Variants in CABYR observed in about 807,000 individuals in gnomAD.
The protein encoded by CABYR is calcium binding tyrosine phosphorylation regulated, also known as calcium-binding tyrosine phosphorylation-regulated protein.
A neutral mutation model predicts 36.1 loss-of-function variants in CABYR; 31 were observed. The observed-to-expected ratio is 0.86, with a 90% confidence interval of 0.64 to 1.16. CABYR has a LOEUF of 1.16. Ranked by LOEUF, CABYR falls within the 50% of genes most tolerant of loss-of-function variation. The pLI, the probability that CABYR is intolerant of heterozygous loss-of-function variation, is 0.00. For missense variants in CABYR, 429 were observed against 455.8 expected (o/e 0.94, Z 0.53); for synonymous variants, 146 against 160.7 (o/e 0.91, Z 0.69).
intron 3 of CABYR, among the ~76,000 whole-genome samples, chr18:24,149,083 C>T (rs567231202): frequency 6.6e-6 from 1 of 152,194 alleles, no homozygotes; most frequent in South Asian, 2.1e-4. Context: ...TAAAGGTTCT[C>T]CATGTCCCCA....
At chr18:24,156,614 T>A in intron 4 of CABYR, 1 of 1,614,194 alleles carries the variant, frequency 6.2e-7, no homozygotes, top group Non-Finnish European at 8.5e-7. Flanking sequence ...TGGAGGAGAA[T>A]GCAAAATATT....
At chr18:24,143,565 A>G in intron 3 of CABYR, 152 bp downstream of exon 3, 1 of 297,664 alleles carries the variant, frequency 3.4e-6, no homozygotes, top group Non-Finnish European at 5.9e-6. Flanking sequence ...ATATATTTTT[A>G]GAGACATGCT....
At chr18:24,140,573 T>A (rs2085292437) in intron 1 of CABYR, among the ~76,000 whole-genome samples, 1 of 152,140 alleles carries the variant, frequency 6.6e-6, no homozygotes, top group Non-Finnish European at 1.5e-5. Context: ...CCAGTTATAC[T>A]CTTTCTGTTA....
chr18:24,147,571 C>T (rs1413776514), intron 3 of CABYR, among the ~76,000 whole-genome samples: 2 of 151,956 alleles, frequency 1.3e-5, no homozygotes, highest in African/African-American at 4.8e-5. Flanking sequence ...GAAAATAATC[C>T]ACTTCTTTTT....
chr18:24,152,750 G>T (rs371699305), intron 3 of CABYR: 3 of 152,132 alleles, frequency 2.0e-5, no homozygotes, highest in African/African-American at 7.2e-5. Context: ...AACCTGTCAG[G>T]TCCCGTGCAG....
chr18:24,150,785 T>TTTTTTTTTTTTTTTG (rs2085607659), intron 3 of CABYR, among the ~76,000 whole-genome samples: 1 of 30,056 alleles, frequency 3.3e-5, no homozygotes. Context: ...TGTTTTTTGT[T>TTTTTTTTTTTTTTTG]TTTTTTTTTT....
chr18:24,158,394 C>T (rs2085853551), intron 4 of CABYR, among the ~76,000 whole-genome samples: 2 of 144,258 alleles, frequency 1.4e-5, no homozygotes, highest in African/African-American at 4.9e-5. Context: ...TCTTGGCTCA[C>T]CACAACCTCC....
At chr18:24,160,149 T>TTAGA in intron 5 of CABYR, 80 bp downstream of exon 5, 1 of 998,546 alleles carries the variant, frequency 1.0e-6, no homozygotes, top group South Asian at 1.6e-5. Context: ...ACCTGGAGAT[T>TTAGA]TAGATATTTA....
chr18:24,148,946 C>G (rs1256144950), intron 3 of CABYR, among the ~76,000 whole-genome samples: 1 of 152,158 alleles, frequency 6.6e-6, no homozygotes, highest in African/African-American at 2.4e-5. Context: ...CGGGTTGCCA[C>G]TGCTGGCTCG....
intron 5 of CABYR, 154 bp downstream of exon 5, chr18:24,160,223 C>T: frequency 1.6e-6 from 1 of 622,286 alleles, no homozygotes; most frequent in South Asian, 2.0e-5. Flanking sequence ...TCTCCAACTT[C>T]CTAAACACCA....
rs775296087 is a variant in CABYR, at chr18:24,155,940, C to T, written c.439C>T (p.Pro147Ser). ...TGGTCTTTCTTCCAAACCAGCCACC[C>T]CTAAGACTACTACCCCACCCTCATC... ...VGGLSSKPAT[P>S]KTTTPPSSPP... Residue 147 changes from proline to serine, a missense_variant, in exon 4 of 6, where the codon CCT (proline) becomes TCT (serine). By Grantham distance (74) the Pro-to-Ser change is moderately conservative. Transcript: ENST00000399496. 6.2e-7 allele frequency: 1 copy of T among 1,614,150 alleles called. No individual in the cohort carries two copies. The highest frequency in any genetic ancestry group is 8.5e-7 in the Non-Finnish European group (1 of 1,180,044).
At chr18:24,152,401 T>A (rs2085664870) in intron 3 of CABYR, among the ~76,000 whole-genome samples, 1 of 152,184 alleles carries the variant, frequency 6.6e-6, no homozygotes, top group African/African-American at 2.4e-5. Context: ...CATGCAGCTA[T>A]TAAATCTCAG....
intron 3 of CABYR, among the ~76,000 whole-genome samples, chr18:24,146,072 G>A (rs1007667809): frequency 2.0e-5 from 3 of 152,134 alleles, no homozygotes; most frequent in African/African-American, 4.8e-5. Context: ...ATTCAAAGAA[G>A]CAGGAAGAAG....
intron 3 of CABYR, among the ~76,000 whole-genome samples, chr18:24,151,181 A>T (rs1371179759): frequency 6.6e-6 from 1 of 152,220 alleles, no homozygotes; most frequent in East Asian, 1.9e-4. Context: ...ATTTAAAAAA[A>T]TACCATATGC....
intron 3 of CABYR, among the ~76,000 whole-genome samples, chr18:24,149,739 C>T (rs931555143): frequency 2.6e-5 from 4 of 152,242 alleles, no homozygotes; most frequent in Non-Finnish European, 5.9e-5. Flanking sequence ...TCAAGCACAG[C>T]GCCGGTGGGC....
At chr18:24,160,191 C>T in intron 5 of CABYR, 122 bp downstream of exon 5, 1 of 728,840 alleles carries the variant, frequency 1.4e-6, no homozygotes, top group South Asian at 1.8e-5. Flanking sequence ...TTGGGGTATA[C>T]TCTAACTTCC....
chr18:24,155,550 G>A, intron 3 of CABYR, 151 bp from the exon 4 acceptor site: 1 of 601,958 alleles, frequency 1.7e-6, no homozygotes, highest in Non-Finnish European at 2.8e-6. Context: ...TTGAACTCCT[G>A]GGCTCAAGCG....
intron 5 of CABYR, 113 bp downstream of exon 5, chr18:24,160,182 T>C (rs1317956325): frequency 2.5e-6 from 2 of 791,648 alleles, no homozygotes; most frequent in Non-Finnish European, 4.1e-6. Flanking sequence ...GATAATAAGT[T>C]GGGGTATACT....
At position 24,159,634 on chromosome 18, in the gene CABYR, T is replaced by A; in HGVS notation, c.704T>A (p.Phe235Tyr). ...TTACCTAATCCTAAGGATCCACAGT[T>A]TCAGCAGCATCCACCAAAAGTCACT... ...LYLPNPKDPQ[F>Y]QQHPPKVTFP... Residue 235 changes from phenylalanine (F) to tyrosine (Y), a missense_variant, in exon 5 of 6, where the codon TTT becomes TAT. Coordinates refer to ENST00000399496, the MANE Select transcript of CABYR (RefSeq NM_153769.3). The A allele has an allele frequency of 3.1e-6, 5 of 1,613,952 alleles. No homozygotes were observed. Among genetic ancestry groups the A allele is most frequent in the Non-Finnish European group, 4.2e-6 (5 of 1,179,990 alleles).
Sources: allele counts gnomAD v4.1 joint callset (sites outside exome capture counted in the v4.1 genomes callset), GRCh38; gene constraint gnomAD v4.1.1; transcripts MANE v1.5; gene names NCBI Gene and HGNC (gene_info 2026-07-23, HGNC 2026-07-21).